PTPRT: variants seen among roughly 807,000 people sequenced by gnomAD.
The protein encoded by PTPRT is receptor-type tyrosine-protein phosphatase T.
A neutral mutation model predicts 176.8 loss-of-function variants in PTPRT; 56 were observed. The observed-to-expected ratio is 0.32, with a 90% CI of 0.26 to 0.40. The LOEUF (loss-of-function observed/expected upper bound fraction) is 0.40, where lower values mean the gene tolerates loss of function less well. Among genes scored for constraint, PTPRT ranks in the 10% least tolerant of loss-of-function variants. The probability of loss-of-function intolerance (pLI) is 1.00; values close to 1 mark genes in which losing one functional copy is unlikely to be tolerated. For synonymous variants in PTPRT, 783 were observed against 739.0 expected (o/e 1.06, Z -0.96); for missense variants, 1,540 against 1,908.2 (o/e 0.81, Z 3.60).
At chr20:42,846,304 C>T (rs964351988) in intron 2 of PTPRT, among the ~76,000 whole-genome samples, 3 of 152,172 alleles carry the variant, frequency 2.0e-5, no homozygotes, top group African/African-American at 4.8e-5. Context: ...TATTAAGACA[C>T]CTAATGGAAC....
At chr20:42,881,802 G>A (rs1204017013) in intron 2 of PTPRT, among the ~76,000 whole-genome samples, 2 of 150,564 alleles carry the variant, frequency 1.3e-5, no homozygotes, top group East Asian at 3.9e-4. Flanking sequence ...GTGAAGAATT[G>A]AGAAAACAAA....
intron 18 of PTPRT, among the ~76,000 whole-genome samples, chr20:42,141,658 C>T (rs1396921366): frequency 1.3e-5 from 2 of 152,120 alleles, no homozygotes; most frequent in African/African-American, 2.4e-5. Context: ...GAGGTTCTTC[C>T]CCAAGAGGCT....
intron 27 of PTPRT, among the ~76,000 whole-genome samples, chr20:42,089,431 G>C (rs1250906151): frequency 6.6e-6 from 1 of 152,178 alleles, no homozygotes; most frequent in African/African-American, 2.4e-5. Context: ...TATCAGGGAA[G>C]TCCTATTATC....
intron 1 of PTPRT, among the ~76,000 whole-genome samples, chr20:43,013,272 A>G (rs1985217936): frequency 6.6e-6 from 1 of 152,108 alleles, no homozygotes; most frequent in Non-Finnish European, 1.5e-5. Flanking sequence ...ATTCGCCTAA[A>G]TGACCCATGT....
intron 8 of PTPRT, among the ~76,000 whole-genome samples, chr20:42,471,814 C>T (rs142847183): frequency 7.0e-4 from 107 of 152,070 alleles, no homozygotes; most frequent in African/African-American, 2.5e-3. Flanking sequence ...CGCTGCCACG[C>T]CTGGTAATTT....
rs764181357 is a variant in PTPRT, at chr20:42,350,214, G to GTTTTTT, written c.1865+408_1865+413dup. 1.5e-3 allele frequency among the ~76,000 whole-genome samples: 85 copies of GTTTTTT among 58,284 alleles called. 5 individuals carry two copies. Among genetic ancestry groups the GTTTTTT allele is most frequent in the Non-Finnish European group, 2.0e-3 (59 of 30,198 alleles). The allele number at this position is 58,284 out of a possible 152,430, so 38.2% of individuals were successfully genotyped here. ...TCAGGTCCTGATTAGGATGTTTCTT[G>GTTTTTT]TTTTTTTTTTTTTTTTTTTTTTTTT... On this transcript the variant is annotated intron_variant, in intron 11 of 30. Coordinates refer to ENST00000373187, the MANE Select transcript of PTPRT (RefSeq NM_007050.6).
intron 6 of PTPRT, among the ~76,000 whole-genome samples, chr20:42,724,044 G>A (rs1023047511): frequency 6.6e-6 from 1 of 152,200 alleles, no homozygotes; most frequent in African/African-American, 2.4e-5. Context: ...GACTTTTAAA[G>A]TATTTTCACA....
chr20:42,564,655 C>A (rs6030333), intron 7 of PTPRT, among the ~76,000 whole-genome samples: 1 of 152,066 alleles, frequency 6.6e-6, no homozygotes, highest in South Asian at 2.1e-4. Flanking sequence ...GGCTCAAAAC[C>A]TAGATGACGG....
At chr20:42,728,387 G>A (rs1202376388) in intron 6 of PTPRT, among the ~76,000 whole-genome samples, 1 of 152,174 alleles carries the variant, frequency 6.6e-6, no homozygotes, top group Non-Finnish European at 1.5e-5. Flanking sequence ...TGCCTCACTT[G>A]TGAGCAAAAT....
intron 7 of PTPRT, among the ~76,000 whole-genome samples, chr20:42,550,698 T>C (rs2072755175): frequency 6.6e-6 from 1 of 152,058 alleles, no homozygotes; most frequent in African/African-American, 2.4e-5. Context: ...AGATCTAAGT[T>C]TTAGAAATTG....
chr20:42,917,890 T>TA (rs1360348701), intron 1 of PTPRT, among the ~76,000 whole-genome samples: 3 of 152,150 alleles, frequency 2.0e-5, no homozygotes, highest in African/African-American at 4.8e-5. Context: ...AGGGAAGTGT[T>TA]AAAAACCTTT....
chr20:42,624,859 G>A (rs754575243), intron 7 of PTPRT, among the ~76,000 whole-genome samples: 10 of 152,156 alleles, frequency 6.6e-5, no homozygotes, highest in South Asian at 4.2e-4. Flanking sequence ...GCAAACAAGC[G>A]TAAAAAGTCA....
At chr20:42,198,150 G>C (rs991873857) in intron 16 of PTPRT, among the ~76,000 whole-genome samples, 1 of 152,170 alleles carries the variant, frequency 6.6e-6, no homozygotes, top group African/African-American at 2.4e-5. Flanking sequence ...GTTACTCTCA[G>C]ATCTGGATCC....
At chr20:42,675,141 C>T (rs534953358) in intron 7 of PTPRT, among the ~76,000 whole-genome samples, 217 of 152,286 alleles carry the variant, frequency 1.4e-3, no homozygotes, top group African/African-American at 4.9e-3. Context: ...TTTCCTTCCA[C>T]CACTTCACAG....
intron 5 of PTPRT, 40 bp from the exon 6 acceptor site, chr20:42,756,676 C>T: frequency 1.3e-6 from 2 of 1,493,596 alleles, no homozygotes; most frequent in Non-Finnish European, 1.8e-6. Flanking sequence ...GGAATCATAG[C>T]ATCATAGGCT....
chr20:42,153,392 C>G (rs956683690), intron 17 of PTPRT, among the ~76,000 whole-genome samples: 1 of 152,010 alleles, frequency 6.6e-6, no homozygotes, highest in Non-Finnish European at 1.5e-5. Flanking sequence ...AAGAGTCTTG[C>G]CCAAGACCAC....
chr20:42,978,050 C>T (rs1983051759), intron 1 of PTPRT, among the ~76,000 whole-genome samples: 1 of 151,778 alleles, frequency 6.6e-6, no homozygotes, highest in Non-Finnish European at 1.5e-5. Context: ...TTGGATAGTA[C>T]CCAACCTTAT....
chr20:42,849,356 T>C lies in PTPRT; in HGVS notation c.214+36451A>G, dbSNP rs77182008. Among the ~76,000 whole-genome samples, 1,502 of 152,352 alleles carry C rather than the reference T, an allele frequency of 9.9e-3. 26 individuals carry two copies. Among genetic ancestry groups the C allele is most frequent in the African/African-American group, 0.035 (1,445 of 41,568 alleles). ...GCCTGAATTCAGAGTTCCATTGTTC[T>C]TTCACAGAACTCCTTGGAGTGACAA... On this transcript the variant is annotated intron_variant, in intron 2 of 30. Transcript: ENST00000373187.
chr20:43,182,136 A>G (rs1206780027), intron 1 of PTPRT, among the ~76,000 whole-genome samples: 4 of 152,174 alleles, frequency 2.6e-5, no homozygotes, highest in Non-Finnish European at 2.9e-5. Context: ...GGATGACTAC[A>G]TAACCACCCA....
Sources: gnomAD v4.1 joint callset for allele counts (sites outside exome capture counted in the v4.1 genomes callset) on GRCh38, gnomAD v4.1.1 for gene constraint, MANE v1.5 for transcripts, NCBI Gene and HGNC (gene_info 2026-07-23, HGNC 2026-07-21) for gene names.